The following SERPINE3 variants were observed in gnomAD, a reference collection of about 807,000 sequenced individuals.
SERPINE3 encodes serpin E3.
A neutral mutation model predicts 41.7 loss-of-function variants in SERPINE3; 43 were observed. The observed-to-expected ratio is 1.03, with a 90% confidence interval of 0.81 to 1.33. SERPINE3 has a LOEUF of 1.33. Ranked by LOEUF, SERPINE3 falls within the 40% of genes most tolerant of loss-of-function variation. The pLI is 0.00. For synonymous variants in SERPINE3, 200 were observed against 192.2 expected (o/e 1.04, Z -0.34); for missense variants, 440 against 491.7 (o/e 0.89, Z 0.99).
chr13:51,354,309 T>TA (rs1955446512), intron 6 of SERPINE3: 1 of 152,200 alleles, frequency 6.6e-6, no homozygotes, highest in South Asian at 2.1e-4. Context: ...GCAAGTTTCT[T>TA]AAACTCTTTA....
Position 51,361,857 on chromosome 13 carries a change from C to T in SERPINE3, c.1135C>T (p.Arg379Trp), listed in dbSNP as rs371052566. ...RSRIPIFKADRPFIYFLREPN... is the reference protein window; with the variant it reads ...RSRIPIFKADWPFIYFLREPN... ...TCGGATTCCTATTTTTAAAGCAGAT[C>T]GGCCATTCATCTATTTCCTGAGAGA... The change falls in exon 9 of 10, where the codon CGG becomes TGG. Residue 379 changes from arginine (R) to tryptophan (W), a missense_variant. Physicochemically the swap from Arg to Trp is moderately radical, Grantham distance 101. Coordinates refer to ENST00000681248, the MANE Select transcript of SERPINE3 (RefSeq NM_001386375.1). 110 of 1,611,078 alleles carry T rather than the reference C, an allele frequency of 6.8e-5. No homozygotes were observed. The highest frequency in any genetic ancestry group is 8.3e-5 in the Non-Finnish European group (98 of 1,178,428).
At position 51,344,446 on chromosome 13, in the gene SERPINE3, G is replaced by A. The variant is rs201739179; in HGVS notation, c.451G>A (p.Ala151Thr). ...CGACCTCAGTGAGCCCAATAGCACC[G>A]CCATCCAGACTAGCGAAGGGGCCTC... The part of the protein sequence containing the change: ...PADLSEPNST[A>T]IQTSEGASRE... The change falls in exon 4 of 10, where the codon GCC (alanine) becomes ACC (threonine). Residue 151 changes from alanine to threonine, a missense_variant. Transcript: ENST00000681248. 3.3e-5 allele frequency: 53 copies of A among 1,603,642 alleles called. No individual in the cohort carries two copies. Among genetic ancestry groups the A allele is most frequent in the South Asian group, 1.6e-4 (14 of 89,336 alleles).
chr13:51,360,790 T>C (rs1955562413), intron 7 of SERPINE3, among the ~76,000 whole-genome samples: 1 of 152,184 alleles, frequency 6.6e-6, no homozygotes, highest in East Asian at 1.9e-4. Flanking sequence ...TGTGACTTTG[T>C]CATTTAAAAG....
rs141261992 is a variant in SERPINE3, at chr13:51,354,565, G to A, written c.900-478G>A. On this transcript the variant is annotated intron_variant, in intron 6 of 9. Transcript: ENST00000681248. ...GAGGCCAGAAGTTTGAGTCCAGCCCGGGCAACATAGGGAGACCCCATCTCA... is the reference window on the plus strand; with the variant it reads ...GAGGCCAGAAGTTTGAGTCCAGCCCAGGCAACATAGGGAGACCCCATCTCA... Among the ~76,000 whole-genome samples the A allele has an allele frequency of 2.3e-4, 35 of 151,164 alleles. No homozygotes were observed. The East Asian group carries it at 3.9e-3, about 17-fold the overall frequency.
intron 7 of SERPINE3, 146 bp downstream of exon 7, chr13:51,355,289 T>G: frequency 1.7e-6 from 1 of 576,960 alleles, no homozygotes; most frequent in Non-Finnish European, 3.1e-6. Flanking sequence ...GTGTTGCTTC[T>G]AATAACAGTC....
chr13:51,352,403 C>G (rs1955413444), intron 6 of SERPINE3, among the ~76,000 whole-genome samples: 1 of 151,720 alleles, frequency 6.6e-6, no homozygotes, highest in Admixed American at 6.6e-5. Flanking sequence ...CGTATACAAA[C>G]ACAATTGATT....
At chr13:51,344,564 G>T in intron 4 of SERPINE3, 79 bp downstream of exon 4, 4 of 1,186,332 alleles carry the variant, frequency 3.4e-6, no homozygotes, top group Non-Finnish European at 4.9e-6. Context: ...CTTGTCAGAG[G>T]CCATGGTGCT....
intron 6 of SERPINE3, among the ~76,000 whole-genome samples, chr13:51,353,170 C>T (rs1196096628): frequency 6.6e-6 from 1 of 152,100 alleles, no homozygotes; most frequent in Admixed American, 6.6e-5. Flanking sequence ...TCACTCTAAT[C>T]TTTTATAGTC....
At chr13:51,340,885 A>G (rs1955282605) in intron 2 of SERPINE3, 24 bp downstream of exon 2, 4 of 598,786 alleles carry the variant, frequency 6.7e-6, no homozygotes, top group Non-Finnish European at 1.2e-5. Context: ...ATGCTGAAAC[A>G]AGAGGGTGCA....
At position 51,347,191 on chromosome 13, in the gene SERPINE3, C is replaced by T. The variant is rs767631403; in HGVS notation, c.657C>T (p.Val219=). ...CTTTCACCTGTGCCTATGGCCTCGT[C>T]CTTCAGGTCCCCATGATGCACCAAA... The part of the protein sequence containing the change: ...ILPFTCAYGL[V]LQVPMMHQTT... The change falls in exon 5 of 10, where the codon GTC becomes GTT. Residue 219 remains valine, a synonymous_variant. Coordinates refer to ENST00000681248, the MANE Select transcript of SERPINE3 (RefSeq NM_001386375.1). 1.2e-6 allele frequency: 2 copies of T among 1,613,996 alleles called. No homozygotes were observed. Among genetic ancestry groups the T allele is most frequent in the Non-Finnish European group, 1.7e-6 (2 of 1,179,888 alleles).
chr13:51,357,046 T>C (rs1421955544), intron 7 of SERPINE3, among the ~76,000 whole-genome samples: 1 of 152,180 alleles, frequency 6.6e-6, no homozygotes, highest in African/African-American at 2.4e-5. Context: ...GCCACTCTCA[T>C]TCATTCATAA....
chr13:51,340,707 A>G (rs1955280785), intron 1 of SERPINE3, 77 bp from the exon 2 acceptor site: 1 of 262,428 alleles, frequency 3.8e-6, no homozygotes, highest in Non-Finnish European at 7.3e-6. Flanking sequence ...TAAGCTGACT[A>G]TATACCAAGA....
At chr13:51,353,007 T>C (rs530122263) in intron 6 of SERPINE3, among the ~76,000 whole-genome samples, 1 of 152,342 alleles carries the variant, frequency 6.6e-6, no homozygotes, top group Admixed American at 6.5e-5. Context: ...TAGTATTTTG[T>C]TGAAGATTTT....
chr13:51,359,193 G>A (rs897327617), intron 7 of SERPINE3, among the ~76,000 whole-genome samples: 1 of 151,960 alleles, frequency 6.6e-6, no homozygotes, highest in Non-Finnish European at 1.5e-5. Flanking sequence ...AAAAGACCAG[G>A]AGAATCCCTT....
intron 3 of SERPINE3, 135 bp from the exon 4 acceptor site, chr13:51,344,117 T>C (rs1955320433): frequency 1.5e-6 from 1 of 678,034 alleles, no homozygotes; most frequent in East Asian, 2.7e-5. Context: ...TCAAACTGGC[T>C]TTGTATGGTA....
chr13:51,358,059 G>T (rs1471411036), intron 7 of SERPINE3, among the ~76,000 whole-genome samples: 1 of 152,022 alleles, frequency 6.6e-6, no homozygotes, highest in East Asian at 1.9e-4. Flanking sequence ...TGGGCTAGAG[G>T]AGACAAATGG....
intron 7 of SERPINE3, among the ~76,000 whole-genome samples, chr13:51,356,718 CA>C (rs1292989239): frequency 6.6e-6 from 1 of 152,034 alleles, no homozygotes; most frequent in East Asian, 1.9e-4. Flanking sequence ...CCAAGGTCCA[CA>C]AACTCCTCTG....
rs146613755 is a variant in SERPINE3, at chr13:51,340,418, G to A, written c.-95-366G>A. 6.6e-5 allele frequency among the ~76,000 whole-genome samples: 10 copies of A among 152,154 alleles called. No homozygotes were observed. In the East Asian group the frequency reaches 1.9e-3, roughly 29 times the overall value. ...TTGCATCACAAGAATTCTGATATTC[G>A]AGGTACAATTAGTTCATGTATCAAT... is the stretch of plus-strand genomic sequence containing the variant. On this transcript the variant is annotated intron_variant, in intron 1 of 9. Transcript: ENST00000681248.
chr13:51,346,902 C>T, intron 4 of SERPINE3, 123 bp from the exon 5 acceptor site: 3 of 676,020 alleles, frequency 4.4e-6, no homozygotes, highest in Non-Finnish European at 7.9e-6. Flanking sequence ...AGAGAGACCA[C>T]CTTAAGCAAA....
Sources: gnomAD v4.1 joint callset for allele counts (sites outside exome capture counted in the v4.1 genomes callset) on GRCh38, gnomAD v4.1.1 for gene constraint, MANE v1.5 for transcripts, NCBI Gene and HGNC (gene_info 2026-07-23, HGNC 2026-07-21) for gene names.